Variants in SLC26A9 observed in about 807,000 individuals in gnomAD.
SLC26A9 encodes the protein anion transporter/exchanger protein 9.
A neutral mutation model predicts 87.1 loss-of-function variants in SLC26A9; 46 were observed. The observed-to-expected ratio is 0.53, with a 90% CI of 0.42 to 0.67. The LOEUF (loss-of-function observed/expected upper bound fraction) is 0.67, where lower values mean the gene tolerates loss of function less well. Ranked by LOEUF, SLC26A9 falls within the 30% of genes least tolerant of loss-of-function variation. SLC26A9 has a pLI of 0.00. For missense variants in SLC26A9, 927 were observed against 1,018.3 expected (o/e 0.91, Z 1.22); for synonymous variants, 437 against 409.1 (o/e 1.07, Z -0.82).
rs1474843816 is a variant in SLC26A9, at chr1:205,942,945, A to G, written c.-19+420T>C. On this transcript the variant is annotated intron_variant, in intron 1 of 20. Coordinates refer to ENST00000367135, the MANE Select transcript of SLC26A9 (RefSeq NM_052934.4). ...GGAGGGGGAGACAGCCATGCAGAGTAGGCTGGTGAGTCAAGCATTAAGAGC... is the reference window on the plus strand; with the variant it reads ...GGAGGGGGAGACAGCCATGCAGAGTGGGCTGGTGAGTCAAGCATTAAGAGC... Among the ~76,000 whole-genome samples the G allele has an allele frequency of 2.0e-5, 3 of 152,352 alleles. 1 individual carries two copies. Among genetic ancestry groups the G allele is most frequent in the East Asian group, 3.9e-4 (2 of 5,192 alleles).
chr1:205,931,786 T>A, intron 5 of SLC26A9, 74 bp downstream of exon 5: 2 of 1,526,578 alleles, frequency 1.3e-6, no homozygotes, highest in South Asian at 2.6e-5. Flanking sequence ...AGATTTAGCA[T>A]CAAAGCTAAG....
chr1:205,928,796 T>C (rs757505649), intron 8 of SLC26A9, 31 bp downstream of exon 8: 3 of 1,610,476 alleles, frequency 1.9e-6, no homozygotes, highest in South Asian at 2.2e-5. Context: ...GAGGTGCGGG[T>C]GGGCCAGGCT....
intron 10 of SLC26A9, 34 bp from the exon 11 acceptor site, chr1:205,927,322 G>A: frequency 6.2e-7 from 1 of 1,611,648 alleles, no homozygotes; most frequent in Non-Finnish European, 8.5e-7. Context: ...TAGAGGGAAG[G>A]TGTGAAATTT....
chr1:205,924,084 A>C (rs1002655945), intron 13 of SLC26A9, among the ~76,000 whole-genome samples: 4 of 152,074 alleles, frequency 2.6e-5, no homozygotes, highest in Non-Finnish European at 5.9e-5. Context: ...CTTTGGAAGG[A>C]TGTTGAATCT....
intron 18 of SLC26A9, 40 bp from the exon 19 acceptor site, chr1:205,919,025 A>G: frequency 6.2e-7 from 1 of 1,608,792 alleles, no homozygotes; most frequent in Non-Finnish European, 8.5e-7. Flanking sequence ...GATAACAGCC[A>G]TTGTGGATTG....
rs1247131233 is a variant in SLC26A9, at chr1:205,914,190, C to T, written c.*1167G>A. On this transcript the variant is annotated 3_prime_UTR_variant, in exon 21 of 21. Transcript: ENST00000367135. ...CTGTGCAGGAAGACCCAATCTGGAT[C>T]AGCCCCTTTCCACATCTGCATGCAG... 6.6e-6 allele frequency: 1 copy of T among 152,254 alleles called. No individual in the cohort carries two copies. Among genetic ancestry groups the T allele is most frequent in the African/African-American group, 2.4e-5 (1 of 41,436 alleles). The allele number at this position is 152,254 out of a possible 1,614,324, so 9.4% of individuals were successfully genotyped here.
rs369666722 is a variant in SLC26A9, at chr1:205,915,450, G to A, written c.2329-46C>T. ...AAGTGGGAGGGGAAGAGAGAGGTTA[G>A]ACCAGTTGGGGTCACAGTGGCTGCA... On this transcript the variant is annotated intron_variant, in intron 20 of 20. Coordinates refer to ENST00000367135, the MANE Select transcript of SLC26A9 (RefSeq NM_052934.4). The A allele has an allele frequency of 6.9e-4, 1,108 of 1,613,180 alleles. 3 individuals carry two copies. Among genetic ancestry groups the A allele is most frequent in the South Asian group, 5.6e-3 (512 of 90,912 alleles).
chr1:205,940,040 G>A (rs1366595202), intron 1 of SLC26A9, among the ~76,000 whole-genome samples: 1 of 152,140 alleles, frequency 6.6e-6, no homozygotes, highest in Non-Finnish European at 1.5e-5. Flanking sequence ...CAGGGAAGGG[G>A]GGCAGGTCCT....
intron 20 of SLC26A9, 149 bp from the exon 21 acceptor site, chr1:205,915,553 A>G: frequency 9.4e-7 from 1 of 1,064,564 alleles, no homozygotes; most frequent in Non-Finnish European, 1.3e-6. Context: ...TGTGTGCGAG[A>G]GTGTGTGTGA....
Position 205,914,567 on chromosome 1 carries a change from G to T in SLC26A9, c.*790C>A. Reference sequence around the variant, plus strand: ...CCAGCTACCCATCCCCCTCTTTGGGGTTTCTAGCCAGCCTCCAGGGGAAGG... The same window carrying T: ...CCAGCTACCCATCCCCCTCTTTGGGTTTTCTAGCCAGCCTCCAGGGGAAGG... On this transcript the variant is annotated 3_prime_UTR_variant, in exon 21 of 21. Coordinates refer to ENST00000367135, the MANE Select transcript of SLC26A9 (RefSeq NM_052934.4). 1 of 292,634 alleles carries T rather than the reference G, an allele frequency of 3.4e-6. No homozygotes were observed. The highest frequency in any genetic ancestry group is 6.4e-6 in the Non-Finnish European group (1 of 155,512). 18.1% of individuals were successfully genotyped at this position (292,634 alleles called of 1,614,324 possible). A position where few individuals can be genotyped will look rare whatever the true frequency, so the allele number is the denominator to read the frequency against.
chr1:205,929,419 G>A, intron 6 of SLC26A9, 63 bp from the exon 7 acceptor site: 6 of 1,580,408 alleles, frequency 3.8e-6, no homozygotes, highest in Middle Eastern at 1.9e-4. Context: ...CCCCACCTTT[G>A]GGTGTCTGAC....
chr1:205,920,053 A>G, intron 18 of SLC26A9, 123 bp downstream of exon 18: 1 of 1,054,980 alleles, frequency 9.5e-7, no homozygotes, highest in Non-Finnish European at 1.5e-6. Context: ...AGCAGGCAGC[A>G]GCTTGTGGGG....
chr1:205,928,432 C>A lies in SLC26A9; in HGVS notation c.954-383G>T, dbSNP rs970195484. Reference sequence around the variant, plus strand: ...GCAGGACAAGCGTCACCCCTCTCCTCCCAGGGCCCAGCATGGTGCCTGGCA... The same window carrying A: ...GCAGGACAAGCGTCACCCCTCTCCTACCAGGGCCCAGCATGGTGCCTGGCA... On this transcript the variant is annotated intron_variant, in intron 8 of 20. Coordinates refer to ENST00000367135, the MANE Select transcript of SLC26A9 (RefSeq NM_052934.4). 23 of 383,488 alleles carry A rather than the reference C, an allele frequency of 6.0e-5. No homozygotes were observed. The Admixed American group carries it at 8.9e-4, about 15-fold the overall frequency. 23.8% of individuals were successfully genotyped at this position (383,488 alleles called of 1,614,324 possible).
chr1:205,922,998 C>T (rs1658904257), intron 16 of SLC26A9, 84 bp downstream of exon 16: 3 of 1,325,570 alleles, frequency 2.3e-6, no homozygotes, highest in Admixed American at 3.4e-5. Flanking sequence ...GGAAGCGGGG[C>T]CCCCAGGGTA....
At chr1:205,927,819 A>T (rs1571743755) in intron 9 of SLC26A9, 83 bp downstream of exon 9, 2 of 1,564,170 alleles carry the variant, frequency 1.3e-6, no homozygotes, top group Non-Finnish European at 8.7e-7. Flanking sequence ...ACCTCAGCCC[A>T]ATGATCTCCC....
chr1:205,940,792 C>T (rs927507917), intron 1 of SLC26A9, among the ~76,000 whole-genome samples: 11 of 152,180 alleles, frequency 7.2e-5, no homozygotes, highest in Non-Finnish European at 1.6e-4. Flanking sequence ...GGCTGACTTC[C>T]TCCCTCAGTC....
intron 1 of SLC26A9, among the ~76,000 whole-genome samples, chr1:205,939,277 C>T (rs968959761): frequency 2.6e-5 from 4 of 152,192 alleles, no homozygotes; most frequent in Non-Finnish European, 5.9e-5. Flanking sequence ...GGGCTTCAGA[C>T]CTTCCAGGGA....
In SLC26A9 at chr1:205,927,567, G is replaced by C; in HGVS notation, c.1140C>G (p.Ser380=). Residue 380 remains serine (S), a synonymous_variant, in exon 10 of 21, where the codon TCC becomes TCG. Coordinates refer to ENST00000367135, the MANE Select transcript of SLC26A9 (RefSeq NM_052934.4). The part of the protein sequence containing the change: ...IALGCSNFFG[S]FFKIHVICCA... ...AGCAAATGACATGAATTTTAAAGAA[G>C]GAGCCAAAGAAGTTGCTGCAGCCGA... is the stretch of plus-strand genomic sequence containing the variant. 1 of 1,614,124 alleles carries C rather than the reference G, an allele frequency of 6.2e-7. No individual in the cohort carries two copies. The highest frequency in any genetic ancestry group is 1.1e-5 in the South Asian group (1 of 91,072).
At chr1:205,923,686 G>A in intron 13 of SLC26A9, 73 bp from the exon 14 acceptor site, 1 of 1,563,464 alleles carries the variant, frequency 6.4e-7, no homozygotes, top group Non-Finnish European at 8.8e-7. Flanking sequence ...GCCCCTGCTG[G>A]GGCGGGGGCA....
Sources: allele counts gnomAD v4.1 joint callset (sites outside exome capture counted in the v4.1 genomes callset), GRCh38; gene constraint gnomAD v4.1.1; transcripts MANE v1.5; gene names NCBI Gene and HGNC (gene_info 2026-07-23, HGNC 2026-07-21).